Variants in DOCK3 observed in about 807,000 individuals in gnomAD.
DOCK3 encodes the protein dedicator of cytokinesis 3.
In DOCK3, 60 loss-of-function variants were observed where a neutral mutation model predicts 265.6. That is an observed-to-expected ratio of 0.23 (90% CI 0.18 to 0.28). The LOEUF is 0.28. DOCK3 is among the 10% of genes least tolerant of loss of function. DOCK3 has a pLI of 1.00. For missense variants in DOCK3, 1,981 were observed against 2,594.3 expected, an observed-to-expected ratio of 0.76 and a Z score of 5.14; for synonymous variants, 881 against 938.0, an observed-to-expected ratio of 0.94 and a Z score of 1.11.
chr3:50,694,049 A>G (rs2107760652), intron 1 of DOCK3, among the ~76,000 whole-genome samples: 1 of 151,634 alleles, frequency 6.6e-6, no homozygotes, highest in East Asian at 2.0e-4. Context: ...CAGGAGGATC[A>G]CCTGAGGTCA....
chr3:50,827,191 GGTC>G (rs1283898830), intron 2 of DOCK3, among the ~76,000 whole-genome samples: 1 of 152,054 alleles, frequency 6.6e-6, no homozygotes, highest in Non-Finnish European at 1.5e-5. Context: ...AGTAGAGGAG[GGTC>G]TTCAAAATGC....
chr3:51,270,859 G>T lies in DOCK3; in HGVS notation c.2400G>T (p.Leu800=). The change falls in exon 24 of 53, where the codon CTG becomes CTT. Residue 800 remains leucine, a synonymous_variant. Coordinates refer to ENST00000266037, the MANE Select transcript of DOCK3 (RefSeq NM_004947.5). ...NSFPTIFDEL[L]QMFTVQEVAE... ...TCCCAACCATCTTTGATGAGCTTCTGCAAATGTTCACCGTGCAAGAGGTGG... is the reference window on the plus strand; with the variant it reads ...TCCCAACCATCTTTGATGAGCTTCTTCAAATGTTCACCGTGCAAGAGGTGG... 6.2e-7 allele frequency: 1 copy of T among 1,614,008 alleles called. No individual in the cohort carries two copies.
chr3:50,675,388 C>A lies in DOCK3; in HGVS notation c.37+88C>A. The A allele has an allele frequency of 9.1e-7, 1 of 1,095,056 alleles. No individual in the cohort carries two copies. Among genetic ancestry groups the A allele is most frequent in the South Asian group, 4.4e-5 (1 of 22,936 alleles). The allele number at this position is 1,095,056 out of a possible 1,614,324, so 67.8% of individuals were successfully genotyped here. A position where few individuals can be genotyped will look rare whatever the true frequency, so the allele number is the denominator to read the frequency against. On this transcript the variant is annotated intron_variant, in intron 1 of 52. Transcript: ENST00000266037. The surrounding 1 kb of genome is among the most constrained non-coding windows in gnomAD (Gnocchi z 6.1). ...CGCCTGGATTCGCATCCTCGTGCCC[C>A]CGCCACTGCCCGCAGGCTGCGCGGC...
intron 23 of DOCK3, among the ~76,000 whole-genome samples, chr3:51,261,796 A>G (rs978091027): frequency 1.3e-5 from 2 of 152,192 alleles, no homozygotes; most frequent in Non-Finnish European, 2.9e-5. Flanking sequence ...AAAAGCTGAC[A>G]GGAACTTTGG....
rs571903977 is a variant in DOCK3, at chr3:50,918,234, C to T, written c.219-15747C>T. On this transcript the variant is annotated intron_variant, in intron 4 of 52. Coordinates refer to ENST00000266037, the MANE Select transcript of DOCK3 (RefSeq NM_004947.5). ...ACAATAAACATACGTGTGCATGTGT[C>T]TTTATAGTAGCATGCTTTATAATCC... Among the ~76,000 whole-genome samples, 4 of 152,224 alleles carry T rather than the reference C, an allele frequency of 2.6e-5. No individual in the cohort carries two copies. The East Asian group carries it at 5.8e-4, about 22-fold the overall frequency.
intron 12 of DOCK3, among the ~76,000 whole-genome samples, chr3:51,199,099 A>T (rs1394550590): frequency 6.6e-6 from 1 of 152,194 alleles, no homozygotes. Flanking sequence ...TACAGCTCCC[A>T]GCGTCAGCGA....
chr3:51,206,775 A>G (rs1342488359), intron 12 of DOCK3, among the ~76,000 whole-genome samples: 1 of 152,192 alleles, frequency 6.6e-6, no homozygotes, highest in African/African-American at 2.4e-5. Context: ...TCTGGAAAGC[A>G]AGATGTGTAA....
rs568404385 is a variant in DOCK3, at chr3:50,786,858, C to T, written c.121+8100C>T. The stretch of plus-strand genomic sequence containing the variant: ...TACTGAAACCTTTCGTCACAGTTCT[C>T]GCATCTGAAGGACTTCTCTCCAGAA... On this transcript the variant is annotated intron_variant, in intron 2 of 52. Coordinates refer to ENST00000266037, the MANE Select transcript of DOCK3 (RefSeq NM_004947.5). The T allele has an allele frequency of 1.5e-3, 1,115 of 740,266 alleles. 12 individuals carry two copies. The highest frequency in any genetic ancestry group is 6.9e-4 in the Admixed American group (40 of 57,616). The allele number at this position is 740,266 out of a possible 1,614,324, so 45.9% of individuals were successfully genotyped here. A position where few individuals can be genotyped will look rare whatever the true frequency, so the allele number is the denominator to read the frequency against.
intron 49 of DOCK3, among the ~76,000 whole-genome samples, chr3:51,363,241 T>A (rs556014019): frequency 1.6e-4 from 25 of 152,348 alleles, no homozygotes; most frequent in African/African-American, 5.3e-4. Context: ...CTTCGCATCT[T>A]TTTCACGTTC....
chr3:51,209,250 A>C (rs1300776819), intron 13 of DOCK3, among the ~76,000 whole-genome samples: 1 of 152,136 alleles, frequency 6.6e-6, no homozygotes, highest in Non-Finnish European at 1.5e-5. Context: ...GACATCACAC[A>C]CTTCTCTTTC....
chr3:51,293,569 A>G (rs1195347495), intron 27 of DOCK3, among the ~76,000 whole-genome samples: 1 of 152,194 alleles, frequency 6.6e-6, no homozygotes, highest in African/African-American at 2.4e-5. Flanking sequence ...GATTTCTTGG[A>G]TATGATCCCT....
intron 2 of DOCK3, among the ~76,000 whole-genome samples, chr3:50,797,672 C>T (rs998651071): frequency 3.9e-5 from 6 of 152,200 alleles, no homozygotes; most frequent in African/African-American, 1.2e-4. Flanking sequence ...TCTCTGCATC[C>T]TTGCCAGCAT....
chr3:50,973,186 G>A (rs1242811703), intron 5 of DOCK3, among the ~76,000 whole-genome samples: 1 of 132,070 alleles, frequency 7.6e-6, no homozygotes, highest in Non-Finnish European at 1.6e-5. Flanking sequence ...TGTGCACATT[G>A]TGCAGGTTAG....
At chr3:51,214,053 CTG>C (rs1381695344) in intron 13 of DOCK3, 67 bp from the exon 14 acceptor site, 2 of 1,596,736 alleles carry the variant, frequency 1.3e-6, no homozygotes, top group Non-Finnish European at 1.7e-6. Flanking sequence ...GAAAATGTGA[CTG>C]TGTCTTTTCA....
intron 27 of DOCK3, among the ~76,000 whole-genome samples, chr3:51,284,406 G>A (rs1408273100): frequency 1.3e-5 from 2 of 152,100 alleles, no homozygotes; most frequent in African/African-American, 2.4e-5. Context: ...GTTACCTCCC[G>A]AAGGACTCCA....
Position 51,356,178 on chromosome 3 carries a change from C to T in DOCK3, c.4339C>T (p.Arg1447Cys), listed in dbSNP as rs377384726. 3.7e-6 allele frequency: 6 copies of T among 1,613,992 alleles called. No homozygotes were observed. Among genetic ancestry groups the T allele is most frequent in the African/African-American group, 2.7e-5 (2 of 75,034 alleles). Reference sequence around the variant, plus strand: ...ACCAGATCGAGTCAAGAGCTTCTATCGCGTCAACAATGTGAGGAAGTTCCG... The same window carrying T: ...ACCAGATCGAGTCAAGAGCTTCTATTGCGTCAACAATGTGAGGAAGTTCCG... ...RVPDRVKSFY[R>C]VNNVRKFRYD... Residue 1447 changes from arginine (R) to cysteine (C), a missense_variant, in exon 42 of 53, where the codon CGC (arginine) becomes TGC (cysteine). This residue lies in a region of DOCK3 where 1,357 missense variants were observed against 1,866.8 expected (regional missense o/e 0.73). Transcript: ENST00000266037.
At chr3:51,229,056 G>T (rs74976288) in intron 18 of DOCK3, among the ~76,000 whole-genome samples, 6,591 of 152,266 alleles carry the variant, frequency 0.043, 208 homozygotes, top group Non-Finnish European at 0.068. Flanking sequence ...ATGAGTCTTT[G>T]GCCTTAGACT....
chr3:51,233,792 G>T (rs2078241620), intron 19 of DOCK3, among the ~76,000 whole-genome samples: 1 of 152,176 alleles, frequency 6.6e-6, no homozygotes, highest in Non-Finnish European at 1.5e-5. Context: ...TTGGCTTTCA[G>T]CTTGAACGTT....
At chr3:50,792,240 C>T (rs981104162) in intron 2 of DOCK3, among the ~76,000 whole-genome samples, 5 of 151,662 alleles carry the variant, frequency 3.3e-5, no homozygotes, top group East Asian at 1.9e-4. Context: ...GATTCTGTTC[C>T]GATTTGGCTC....
Sources: gnomAD v4.1 joint callset for allele counts (sites outside exome capture counted in the v4.1 genomes callset) on GRCh38, gnomAD v4.1.1 for gene constraint, gnomAD v4.1.1 regional missense constraint, Gnocchi (gnomAD v3.1) non-coding constraint, MANE v1.5 for transcripts, NCBI Gene and HGNC (gene_info 2026-07-23, HGNC 2026-07-21) for gene names.